DZIP1: variants seen among roughly 807,000 people sequenced by gnomAD.
DZIP1 encodes cilium assembly protein DZIP1.
DZIP1 carries 97 observed loss-of-function variants against 107.6 expected under a neutral mutation model. The observed-to-expected ratio is 0.90, with a 90% CI of 0.77 to 1.07. DZIP1 has a LOEUF of 1.07. DZIP1 is among the 50% of genes least tolerant of loss of function. DZIP1 has a pLI of 0.00. For synonymous variants in DZIP1, 390 were observed against 386.4 expected, an observed-to-expected ratio of 1.01 and a Z score of -0.11; for missense variants, 1,035 against 1,063.6, an observed-to-expected ratio of 0.97 and a Z score of 0.37.
chr13:95,583,510 C>G (rs1475037896), intron 22 of DZIP1, among the ~76,000 whole-genome samples: 1 of 152,004 alleles, frequency 6.6e-6, no homozygotes, highest in East Asian at 1.9e-4. Flanking sequence ...CAGCTTTCAA[C>G]ATGTGCAAGA....
intron 10 of DZIP1, among the ~76,000 whole-genome samples, chr13:95,614,266 T>C (rs1874771068): frequency 6.6e-6 from 1 of 151,824 alleles, no homozygotes; most frequent in Non-Finnish European, 1.5e-5. Context: ...CTAAAAAGAA[T>C]CTTTCCTTTC....
chr13:95,630,639 G>A, intron 6 of DZIP1: 1 of 1,079,418 alleles, frequency 9.3e-7, no homozygotes, highest in Non-Finnish European at 1.2e-6. Context: ...ATCAACTGGG[G>A]TAGAAGTGAG....
chr13:95,616,603 T>G (rs889308497), intron 10 of DZIP1, among the ~76,000 whole-genome samples: 2 of 152,112 alleles, frequency 1.3e-5, no homozygotes, highest in African/African-American at 4.8e-5. Context: ...TTTGAGATAT[T>G]ATGGGAATAA....
intron 1 of DZIP1, 63 bp downstream of exon 1, chr13:95,644,314 G>C (rs1174345244): frequency 6.6e-6 from 1 of 152,500 alleles, no homozygotes; most frequent in African/African-American, 2.4e-5. Context: ...GGCTTCGCGG[G>C]TATCGGGATG....
At position 95,612,270 on chromosome 13, in the gene DZIP1, G is replaced by A. The variant is rs950689713; in HGVS notation, c.1174-93C>T. ...CAGGTATACATGCTCTGCCTGTTTT[G>A]CTAGCCTGATGCTATCCGTGCGCAT... is the stretch of plus-strand genomic sequence containing the variant. On this transcript the variant is annotated intron_variant, in intron 10 of 22. Transcript: ENST00000376829. The A allele has an allele frequency of 3.5e-6, 5 of 1,411,744 alleles. No individual in the cohort carries two copies. The African/African-American group carries it at 4.3e-5, about 12-fold the overall frequency. 87.5% of individuals were successfully genotyped at this position (1,411,744 alleles called of 1,614,324 possible).
chr13:95,603,306 C>CAAAAAAAAAAAAAAAAAAA (rs34995131), intron 14 of DZIP1, among the ~76,000 whole-genome samples: 1 of 47,948 alleles, frequency 2.1e-5, no homozygotes, highest in African/African-American at 8.4e-5. Flanking sequence ...TGCCCAGTCT[C>CAAAAAAAAAAAAAAAAAAA]AAAAAAAAAA....
At chr13:95,630,605 A>G in intron 6 of DZIP1, 4 of 798,782 alleles carry the variant, frequency 5.0e-6, no homozygotes, top group Non-Finnish European at 6.6e-6. Context: ...GGGGCATTCA[A>G]AATGCAAACT....
chr13:95,635,566 C>A (rs1877700079), intron 5 of DZIP1, among the ~76,000 whole-genome samples: 2 of 152,128 alleles, frequency 1.3e-5, no homozygotes, highest in South Asian at 4.1e-4. Flanking sequence ...CTCCCGGGCT[C>A]ATGACAGCTT....
At chr13:95,585,115 C>T (rs777999628) in intron 21 of DZIP1, among the ~76,000 whole-genome samples, 4 of 152,096 alleles carry the variant, frequency 2.6e-5, no homozygotes, top group Non-Finnish European at 5.9e-5. Context: ...ATCTCTTTTT[C>T]GTTTCTGCCA....
At position 95,644,110 on chromosome 13, in the gene DZIP1, C is replaced by A. The variant is rs528855064; in HGVS notation, c.-526+267G>T. On this transcript the variant is annotated intron_variant, in intron 1 of 22. Transcript: ENST00000376829. ...CCCCATCCCGGGCAGGGCCCCCAGC[C>A]TTGCGCGGCGCCTCAAGTCCCAGGC... 1.7e-3 allele frequency among the ~76,000 whole-genome samples: 252 copies of A among 152,308 alleles called. 2 individuals carry two copies. The highest frequency in any genetic ancestry group is 4.9e-3 in the African/African-American group (202 of 41,580).
intron 6 of DZIP1, among the ~76,000 whole-genome samples, chr13:95,631,674 G>A (rs954673362): frequency 1.3e-5 from 2 of 151,894 alleles, no homozygotes; most frequent in East Asian, 3.9e-4. Context: ...CTATATTGTC[G>A]GTGGTGCACA....
intron 10 of DZIP1, 55 bp downstream of exon 10, chr13:95,619,830 G>T: frequency 6.5e-7 from 1 of 1,536,110 alleles, no homozygotes; most frequent in Non-Finnish European, 8.9e-7. Context: ...AAAAAGGAAA[G>T]CAAATATTTC....
chr13:95,610,112 GAGAGAGAGAC>G (rs1412169550), intron 12 of DZIP1, among the ~76,000 whole-genome samples: 3 of 41,080 alleles, frequency 7.3e-5, no homozygotes, highest in African/African-American at 1.6e-4. Context: ...GTGTGTGTGT[GAGAGAGAGAC>G]AGAGAGAGAG....
chr13:95,594,588 C>G (rs1050805917), intron 15 of DZIP1, among the ~76,000 whole-genome samples: 3 of 151,838 alleles, frequency 2.0e-5, no homozygotes, highest in African/African-American at 7.3e-5. Context: ...TCACTTGGAC[C>G]CAGGAGTTTG....
In DZIP1 at chr13:95,589,168, C is replaced by T. The variant is rs551815746; in HGVS notation, c.2013G>A (p.Lys671=). 2 of 1,606,778 alleles carry T rather than the reference C, an allele frequency of 1.2e-6. No homozygotes were observed. Among genetic ancestry groups the T allele is most frequent in the Admixed American group, 3.4e-5 (2 of 58,482 alleles). Residue 671 remains lysine, a synonymous_variant, in exon 19 of 23, where the codon AAG becomes AAA. Transcript: ENST00000376829. ...KNVMEDPFPR[K]SSTITTPPFS... is the part of the protein sequence containing the mutation. ...TCAATACTCACGTAATAGTTGAAGACTTTCTGGGAAAAGGATCTTCCATGA... is the reference window on the plus strand; with the variant it reads ...TCAATACTCACGTAATAGTTGAAGATTTTCTGGGAAAAGGATCTTCCATGA...
Position 95,619,914 on chromosome 13 carries a change from G to A in DZIP1, c.1144C>T (p.His382Tyr). 6.2e-7 allele frequency: 1 copy of A among 1,613,826 alleles called. No homozygotes were observed. Among genetic ancestry groups the A allele is most frequent in the Non-Finnish European group, 8.5e-7 (1 of 1,179,952 alleles). ...CCCTTCTCTTTCTTGTGTTCTTGAT[G>A]AATAGCTTGAACTCGAGCTGTCCAT... ...SKWTARVQAI[H>Y]QEHKKEKGRL... Residue 382 changes from histidine (H) to tyrosine (Y), a missense_variant, in exon 10 of 23, where the codon CAT becomes TAT. Transcript: ENST00000376829.
chr13:95,623,829 C>T (rs1390226814), intron 8 of DZIP1, among the ~76,000 whole-genome samples: 1 of 152,164 alleles, frequency 6.6e-6, no homozygotes, highest in African/African-American at 2.4e-5. Context: ...ACGCCAGCTA[C>T]TCAGGAGGCT....
chr13:95,587,940 AC>A, intron 19 of DZIP1: 3 of 492,476 alleles, frequency 6.1e-6, no homozygotes, highest in Middle Eastern at 5.3e-4. Flanking sequence ...TCTGCCAGCC[AC>A]GGGGCATGTT....
chr13:95,587,715 C>T lies in DZIP1; in HGVS notation c.2042G>A (p.Ser681Asn), dbSNP rs1405741931. The change falls in exon 20 of 23, where the codon AGT becomes AAT. Residue 681 changes from serine to asparagine, a missense_variant. Physicochemically the swap from Ser to Asn is conservative, Grantham distance 46. Transcript: ENST00000376829. The part of the protein sequence containing the change: ...KSSTITTPPF[S>N]SEEEQEDDDL... ...GTCGTCCTCCTGCTCCTCCTCTGAA[C>T]TAAAAGGAGGGGTCCTACACAAATC... 3 of 1,613,824 alleles carry T rather than the reference C, an allele frequency of 1.9e-6. No homozygotes were observed. Among genetic ancestry groups the T allele is most frequent in the Middle Eastern group, 1.6e-4 (1 of 6,084 alleles).
Sources: allele counts gnomAD v4.1 joint callset (sites outside exome capture counted in the v4.1 genomes callset), GRCh38; gene constraint gnomAD v4.1.1; transcripts MANE v1.5; gene names NCBI Gene and HGNC (gene_info 2026-07-23, HGNC 2026-07-21).